WDR70: variants seen among roughly 807,000 people sequenced by gnomAD.
WDR70 encodes the protein WD repeat domain 70, also known as WD repeat-containing protein 70.
WDR70 carries 53 observed loss-of-function variants against 88.6 expected under a neutral mutation model. The ratio of observed to expected loss-of-function variants is 0.60; its 90% CI spans 0.48 to 0.75. WDR70 has a LOEUF of 0.75. WDR70 is among the 30% of genes least tolerant of loss of function. The probability of loss-of-function intolerance (pLI) is 0.00; values close to 1 mark genes in which losing one functional copy is unlikely to be tolerated. For missense variants in WDR70, 610 were observed against 823.2 expected (o/e 0.74, Z 3.17); for synonymous variants, 280 against 270.0 (o/e 1.04, Z -0.36).
intron 17 of WDR70, 83 bp downstream of exon 17, chr5:37,727,128 A>G: frequency 6.7e-7 from 1 of 1,483,494 alleles, no homozygotes; most frequent in Non-Finnish European, 9.0e-7. Context: ...TTTGAGTTCT[A>G]ACTTCTCTAT....
At chr5:37,532,707 C>T (rs1398852478) in intron 9 of WDR70, among the ~76,000 whole-genome samples, 1 of 152,110 alleles carries the variant, frequency 6.6e-6, no homozygotes, top group Non-Finnish European at 1.5e-5. Flanking sequence ...ATTCACCTTT[C>T]TCTGTTGACT....
At chr5:37,699,360 A>AGTGTGTGTGT (rs377366011) in intron 11 of WDR70, among the ~76,000 whole-genome samples, 2 of 125,888 alleles carry the variant, frequency 1.6e-5, no homozygotes, top group Non-Finnish European at 3.3e-5. Context: ...ACACACACAC[A>AGTGTGTGTGT]GTGTGTGTGT....
At chr5:37,486,816 AT>A (rs35595478) in intron 8 of WDR70, among the ~76,000 whole-genome samples, 2 of 130,130 alleles carry the variant, frequency 1.5e-5, no homozygotes, top group Non-Finnish European at 1.7e-5. Flanking sequence ...TTCTAATGAG[AT>A]TTTTTTTCTT....
intron 7 of WDR70, among the ~76,000 whole-genome samples, chr5:37,463,907 C>T (rs1391324249): frequency 6.6e-6 from 1 of 152,094 alleles, no homozygotes; most frequent in East Asian, 1.9e-4. Flanking sequence ...GCAAAGTAGT[C>T]TACAGAGAGT....
At chr5:37,455,491 C>T (rs1299526872) in intron 7 of WDR70, among the ~76,000 whole-genome samples, 1 of 152,056 alleles carries the variant, frequency 6.6e-6, no homozygotes, top group African/African-American at 2.4e-5. Context: ...ATCCTCCTGC[C>T]TTGGCCTCCC....
chr5:37,691,163 G>A (rs1242444401), intron 10 of WDR70, among the ~76,000 whole-genome samples: 3 of 152,166 alleles, frequency 2.0e-5, no homozygotes, highest in African/African-American at 7.2e-5. Flanking sequence ...TTCAAGAAGA[G>A]CTAACTATCC....
intron 9 of WDR70, among the ~76,000 whole-genome samples, chr5:37,584,299 A>AGAAATGT (rs1743303959): frequency 6.6e-6 from 1 of 152,198 alleles, no homozygotes; most frequent in Non-Finnish European, 1.5e-5. Flanking sequence ...ATTATCAAAC[A>AGAAATGT]CATTTTGACA....
At chr5:37,381,826 G>A in intron 3 of WDR70, 141 bp downstream of exon 3, 1 of 666,834 alleles carries the variant, frequency 1.5e-6, no homozygotes, top group Non-Finnish European at 2.4e-6. Flanking sequence ...GGCCAAGGCG[G>A]GCAGATCACC....
chr5:37,537,829 C>T (rs1264514697), intron 9 of WDR70, among the ~76,000 whole-genome samples: 1 of 152,070 alleles, frequency 6.6e-6, no homozygotes, highest in African/African-American at 2.4e-5. Context: ...TGTTACTTTC[C>T]TTCATACTGG....
At chr5:37,618,474 T>A (rs1352202171) in intron 10 of WDR70, among the ~76,000 whole-genome samples, 1 of 152,144 alleles carries the variant, frequency 6.6e-6, no homozygotes, top group African/African-American at 2.4e-5. Flanking sequence ...GTTCAAGTGA[T>A]TCTCCTGCCT....
At chr5:37,486,935 G>T (rs989725401) in intron 8 of WDR70, among the ~76,000 whole-genome samples, 1 of 152,262 alleles carries the variant, frequency 6.6e-6, no homozygotes, top group East Asian at 1.9e-4. Context: ...TCTGTTGAGA[G>T]TTTCTTTTGC....
At chr5:37,481,489 T>G (rs1238005950) in intron 8 of WDR70, among the ~76,000 whole-genome samples, 1 of 152,100 alleles carries the variant, frequency 6.6e-6, no homozygotes, top group Non-Finnish European at 1.5e-5. Context: ...ACTTGCACCC[T>G]CTGAAGCCAT....
intron 5 of WDR70, among the ~76,000 whole-genome samples, chr5:37,401,031 C>G (rs1749173671): frequency 6.6e-6 from 1 of 152,034 alleles, no homozygotes; most frequent in African/African-American, 2.4e-5. Context: ...GATGGGGTCT[C>G]TCTGTCACCC....
chr5:37,506,424 A>G (rs1740563481), intron 8 of WDR70: 1 of 770,460 alleles, frequency 1.3e-6, no homozygotes, highest in Non-Finnish European at 2.4e-6. Flanking sequence ...AGTGGGTTCA[A>G]AGTACTCAGG....
At chr5:37,388,348 C>T (rs1190936713) in intron 3 of WDR70, among the ~76,000 whole-genome samples, 1 of 150,334 alleles carries the variant, frequency 6.7e-6, no homozygotes. Flanking sequence ...GAACTCCTGA[C>T]CTCGTGATCT....
At chr5:37,683,277 C>G (rs905431438) in intron 10 of WDR70, among the ~76,000 whole-genome samples, 2 of 152,110 alleles carry the variant, frequency 1.3e-5, no homozygotes, top group African/African-American at 4.8e-5. Flanking sequence ...GTTCTTTATC[C>G]AGCTTGCCAC....
At chr5:37,608,794 A>G (rs2112482617) in intron 10 of WDR70, among the ~76,000 whole-genome samples, 1 of 152,002 alleles carries the variant, frequency 6.6e-6, no homozygotes, top group East Asian at 2.0e-4. Flanking sequence ...CCTGGACTTA[A>G]GCAGTCTCCC....
chr5:37,713,851 T>A (rs1176749051), intron 13 of WDR70, among the ~76,000 whole-genome samples: 2 of 152,216 alleles, frequency 1.3e-5, no homozygotes, highest in African/African-American at 2.4e-5. Flanking sequence ...TTCTGACAGT[T>A]TTTCTCCCTC....
rs549637989 is a variant in WDR70 at position 37,587,411 on chromosome 5, G to A, written c.918-17653G>A. On this transcript the variant is annotated intron_variant, in intron 9 of 17. Coordinates refer to ENST00000265107, the MANE Select transcript of WDR70 (RefSeq NM_018034.4). ...TTTGCGTCTTTTACACCAATTTCTA[G>A]GATGCACTCCCCACCCCGACACCCG... 3.3e-5 allele frequency among the ~76,000 whole-genome samples: 5 copies of A among 151,692 alleles called. No individual in the cohort carries two copies. In the East Asian group the frequency reaches 9.7e-4, roughly 29 times the overall value.
Sources: gnomAD v4.1 joint callset for allele counts (sites outside exome capture counted in the v4.1 genomes callset) on GRCh38, gnomAD v4.1.1 for gene constraint, MANE v1.5 for transcripts, NCBI Gene and HGNC (gene_info 2026-07-23, HGNC 2026-07-21) for gene names.